PPP2R2B: variants seen among roughly 807,000 people sequenced by gnomAD.
PPP2R2B encodes protein phosphatase 2 regulatory subunit Bbeta, also known as serine/threonine-protein phosphatase 2A 55 kDa regulatory subunit B beta isoform.
PPP2R2B carries 5 observed loss-of-function variants against 46.0 expected under a neutral mutation model. The observed-to-expected ratio is 0.11, with a 90% CI of 0.06 to 0.23. The LOEUF is 0.23. Among genes scored for constraint, PPP2R2B ranks in the 10% least tolerant of loss-of-function variants. The pLI, the probability that PPP2R2B is intolerant of heterozygous loss-of-function variation, is 1.00. For synonymous variants in PPP2R2B, 215 were observed against 206.7 expected (o/e 1.04, Z -0.34); for missense variants, 367 against 575.0 (o/e 0.64, Z 3.70).
intron 1 of PPP2R2B, among the ~76,000 whole-genome samples, chr5:146,933,849 A>G (rs984158306): frequency 2.0e-5 from 2 of 102,140 alleles, no homozygotes; most frequent in Admixed American, 2.8e-4. Context: ...ACCCCACAAC[A>G]GTCCCCAGAG....
intron 7 of PPP2R2B, among the ~76,000 whole-genome samples, chr5:146,603,376 C>T (rs2151022269): frequency 6.6e-6 from 1 of 152,260 alleles, no homozygotes; most frequent in Non-Finnish European, 1.5e-5. Flanking sequence ...GTTTATGGTG[C>T]CTTTCAATGT....
chr5:147,014,201 A>G lies in PPP2R2B; in HGVS notation c.79+41464T>C, dbSNP rs1037031345. On this transcript the variant is annotated intron_variant, in intron 1 of 8. Coordinates refer to the PPP2R2B transcript ENST00000336640. ...CCACAATGAGATACCATCTCACACCAGTTAGAATGGCAATCATTAGAAAGT... is the reference window on the plus strand; with the variant it reads ...CCACAATGAGATACCATCTCACACCGGTTAGAATGGCAATCATTAGAAAGT... Among the ~76,000 whole-genome samples, 10 of 133,038 alleles carry G rather than the reference A, an allele frequency of 7.5e-5. 1 individual carries two copies. Among genetic ancestry groups the G allele is most frequent in the Non-Finnish European group, 1.7e-5 (1 of 60,348 alleles). 87.3% of individuals were successfully genotyped at this position (133,038 alleles called of 152,430 possible).
At chr5:147,023,176 G>A (rs1479429953) in intron 1 of PPP2R2B, among the ~76,000 whole-genome samples, 1 of 152,124 alleles carries the variant, frequency 6.6e-6, no homozygotes, top group Non-Finnish European at 1.5e-5. Context: ...AAGACATGCT[G>A]TTGTAAGGTT....
intron 2 of PPP2R2B, among the ~76,000 whole-genome samples, chr5:146,776,451 T>G (rs1755188259): frequency 6.6e-6 from 1 of 151,922 alleles, no homozygotes; most frequent in South Asian, 2.1e-4. Flanking sequence ...ACATCCACAT[T>G]CAAAAGAATG....
chr5:146,619,337 G>A (rs1561777025), intron 7 of PPP2R2B, among the ~76,000 whole-genome samples: 1 of 151,668 alleles, frequency 6.6e-6, no homozygotes, highest in South Asian at 2.1e-4. Context: ...AACATTAGCT[G>A]GGTGCAGTGG....
Position 146,593,015 on chromosome 5 carries a change from G to A in PPP2R2B, c.1008C>T (p.Asp336=). ...RSKLCSLYEN[D]CIFDKFECVW... is the part of the protein sequence containing the mutation. ...CACACTCAAATTTATCAAAAATGCA[G>A]TCATTTTCATAGAGGGAACACAGCT... The change falls in exon 9 of 10, where the codon GAC becomes GAT. Residue 336 remains aspartate (D), a synonymous_variant. Transcript: ENST00000394411. 6.2e-7 allele frequency: 1 copy of A among 1,614,044 alleles called. No individual in the cohort carries two copies. Among genetic ancestry groups the A allele is most frequent in the Non-Finnish European group, 8.5e-7 (1 of 1,179,914 alleles).
intron 1 of PPP2R2B, among the ~76,000 whole-genome samples, chr5:146,950,055 C>G (rs368763869): frequency 2.0e-5 from 3 of 151,824 alleles, no homozygotes; most frequent in Admixed American, 2.0e-4. Context: ...TTTGATAGCA[C>G]AACAGAATGA....
intron 7 of PPP2R2B, among the ~76,000 whole-genome samples, chr5:146,637,251 G>GTCTA: frequency 6.6e-6 from 1 of 152,280 alleles, no homozygotes; most frequent in East Asian, 1.9e-4. Context: ...ATGAATTGTA[G>GTCTA]TCTAGATCAG....
Position 147,005,402 on chromosome 5 carries a change from AG to A in PPP2R2B, c.79+50262del, listed in dbSNP as rs1312738618. Among the ~76,000 whole-genome samples, 10 of 152,350 alleles carry A rather than the reference AG, an allele frequency of 6.6e-5. No individual in the cohort carries two copies. The East Asian group carries it at 1.9e-3, about 29-fold the overall frequency. The stretch of plus-strand genomic sequence containing the variant: ...AGCTTTAGAACTGGGAAAGGGAAAA[AG>A]AATAAATGTGTATACAGATAGCAAG... On this transcript the variant is annotated intron_variant, in intron 1 of 8. Coordinates refer to the PPP2R2B transcript ENST00000336640.
intron 2 of PPP2R2B, among the ~76,000 whole-genome samples, chr5:146,778,186 C>G (rs1468282371): frequency 6.6e-6 from 1 of 152,120 alleles, no homozygotes; most frequent in Non-Finnish European, 1.5e-5. Flanking sequence ...GGTGATGTCT[C>G]TACTGAAAAT....
chr5:146,876,642 G>A (rs182033106), intron 2 of PPP2R2B, among the ~76,000 whole-genome samples: 1 of 152,226 alleles, frequency 6.6e-6, no homozygotes, highest in African/African-American at 2.4e-5. Flanking sequence ...TATAGGGGAG[G>A]GATGGGCTGC....
chr5:146,715,590 C>T (rs1389524783), intron 2 of PPP2R2B, among the ~76,000 whole-genome samples: 1 of 152,146 alleles, frequency 6.6e-6, no homozygotes, highest in African/African-American at 2.4e-5. Flanking sequence ...AATTGTCACT[C>T]AAACTCCATG....
intron 1 of PPP2R2B, among the ~76,000 whole-genome samples, chr5:146,936,316 T>G (rs1410466900): frequency 6.6e-6 from 1 of 152,080 alleles, no homozygotes; most frequent in Non-Finnish European, 1.5e-5. Flanking sequence ...TTTGTCCTGG[T>G]CATTCATGCT....
At chr5:146,972,130 G>T (rs1423399650) in intron 1 of PPP2R2B, among the ~76,000 whole-genome samples, 1 of 152,086 alleles carries the variant, frequency 6.6e-6, no homozygotes, top group African/African-American at 2.4e-5. Context: ...TAAGAGTTTT[G>T]AGAAGTCCTG....
At chr5:146,811,853 C>T (rs1757572924) in intron 2 of PPP2R2B, among the ~76,000 whole-genome samples, 1 of 151,858 alleles carries the variant, frequency 6.6e-6, no homozygotes, top group Non-Finnish European at 1.5e-5. Flanking sequence ...AGGTGTGAGC[C>T]ACCGTGCCCA....
intron 1 of PPP2R2B, among the ~76,000 whole-genome samples, chr5:147,054,115 C>G (rs1756958353): frequency 6.6e-6 from 1 of 152,170 alleles, no homozygotes; most frequent in Non-Finnish European, 1.5e-5. Flanking sequence ...TTAATTTTCA[C>G]AAACAACTTT....
Position 146,589,623 on chromosome 5 carries a change from G to A in PPP2R2B, c.*324C>T, listed in dbSNP as rs962128485. The A allele has an allele frequency of 2.7e-5, 6 of 223,726 alleles. No homozygotes were observed. Among genetic ancestry groups the A allele is most frequent in the Non-Finnish European group, 3.5e-5 (4 of 114,396 alleles). The allele number at this position is 223,726 out of a possible 1,614,324, so 13.9% of individuals were successfully genotyped here. ...ATACTACAGACAACCTCATTTTATC[G>A]CAGCAGACACCTAGGAACAAAACAC... is the stretch of plus-strand genomic sequence containing the variant. On this transcript the variant is annotated 3_prime_UTR_variant, in exon 10 of 10. Coordinates refer to ENST00000394411, the MANE Select transcript of PPP2R2B (RefSeq NM_181675.4).
At chr5:146,920,676 G>C (rs1029161594) in intron 1 of PPP2R2B, among the ~76,000 whole-genome samples, 1 of 152,122 alleles carries the variant, frequency 6.6e-6, no homozygotes, top group African/African-American at 2.4e-5. Context: ...GGCTGGCTAC[G>C]GGGGAGAGAG....
At chr5:146,628,324 G>C (rs1355006071) in intron 7 of PPP2R2B, among the ~76,000 whole-genome samples, 4 of 152,214 alleles carry the variant, frequency 2.6e-5, no homozygotes, top group African/African-American at 9.6e-5. Context: ...CCCTGGACAG[G>C]AAGGCTGCTT....
Sources: allele counts gnomAD v4.1 joint callset (sites outside exome capture counted in the v4.1 genomes callset), GRCh38; gene constraint gnomAD v4.1.1; transcripts MANE v1.5; gene names NCBI Gene and HGNC (gene_info 2026-07-23, HGNC 2026-07-21).